Variants in ZMIZ1 observed in about 807,000 individuals in gnomAD.
The protein encoded by ZMIZ1 is zinc finger MIZ domain-containing protein 1.
Under a neutral mutation model 113.9 loss-of-function variants are expected in ZMIZ1, and 17 were observed. That is an observed-to-expected ratio of 0.15 (90% CI 0.10 to 0.22). The LOEUF (loss-of-function observed/expected upper bound fraction) is 0.22, where lower values mean the gene tolerates loss of function less well. ZMIZ1 is among the 10% of genes least tolerant of loss of function. The pLI is 1.00. For synonymous variants in ZMIZ1, 607 were observed against 603.1 expected (o/e 1.01, Z -0.09); for missense variants, 1,059 against 1,477.8 (o/e 0.72, Z 4.65).
At chr10:79,307,322 A>G in intron 22 of ZMIZ1, 83 bp from the exon 23 acceptor site, 2 of 1,414,924 alleles carry the variant, frequency 1.4e-6, no homozygotes, top group Non-Finnish European at 2.0e-6. Context: ...CTTGGCTTGT[A>G]TTTTTACACA....
rs1855511149 is a variant in ZMIZ1 at position 79,315,965 on chromosome 10, G to C, written c.*3216G>C. The C allele has an allele frequency of 6.6e-6, 1 of 152,662 alleles. No homozygotes were observed. Among genetic ancestry groups the C allele is most frequent in the Admixed American group, 6.5e-5 (1 of 15,278 alleles). The allele number at this position is 152,662 out of a possible 1,614,324, so 9.5% of individuals were successfully genotyped here. ...CTCTCTCGCTCATGTAATATACTCT[G>C]ACCCTGAGTGGAAAGGGGTTTTTGT... On this transcript the variant is annotated 3_prime_UTR_variant, in exon 25 of 25. Coordinates refer to ENST00000334512, the MANE Select transcript of ZMIZ1 (RefSeq NM_020338.4).
At chr10:79,145,943 A>G (rs1444192116) in intron 3 of ZMIZ1, among the ~76,000 whole-genome samples, 1 of 152,204 alleles carries the variant, frequency 6.6e-6, no homozygotes, top group Non-Finnish European at 1.5e-5. Context: ...CCTGGGCTCA[A>G]GCAGTCCTCC....
intron 1 of ZMIZ1, among the ~76,000 whole-genome samples, chr10:79,077,557 G>A (rs1194209015): frequency 6.6e-6 from 1 of 152,196 alleles, no homozygotes; most frequent in East Asian, 1.9e-4. Flanking sequence ...TGTTCCTGCT[G>A]TTGTTTACAT....
chr10:79,142,082 G>A (rs1186978919), intron 3 of ZMIZ1, among the ~76,000 whole-genome samples: 1 of 152,186 alleles, frequency 6.6e-6, no homozygotes, highest in Non-Finnish European at 1.5e-5. Flanking sequence ...AAGGCCCTTG[G>A]GTTTGGGACA....
chr10:79,192,485 G>A (rs1208758503), intron 4 of ZMIZ1, among the ~76,000 whole-genome samples: 1 of 152,198 alleles, frequency 6.6e-6, no homozygotes, highest in Non-Finnish European at 1.5e-5. Context: ...GAAGAGAAGT[G>A]GGTCCACCCT....
intron 2 of ZMIZ1, among the ~76,000 whole-genome samples, chr10:79,137,852 C>T (rs572281918): frequency 5.9e-5 from 9 of 151,682 alleles, no homozygotes; most frequent in African/African-American, 2.2e-4. Context: ...CTAGGGTGGG[C>T]GCTGTGGGCC....
intron 1 of ZMIZ1, among the ~76,000 whole-genome samples, chr10:79,116,851 T>C (rs1470518983): frequency 6.6e-6 from 1 of 152,222 alleles, no homozygotes; most frequent in Non-Finnish European, 1.5e-5. Flanking sequence ...GGATACCGAC[T>C]GTCCTGACTT....
At chr10:79,139,577 A>G (rs1262815931) in intron 2 of ZMIZ1, 105 bp from the exon 3 acceptor site, 3 of 397,324 alleles carry the variant, frequency 7.6e-6, no homozygotes, top group Non-Finnish European at 8.9e-6. Context: ...AAGTGACCCA[A>G]GAGGCCGCTG....
intron 7 of ZMIZ1, among the ~76,000 whole-genome samples, chr10:79,235,371 C>T (rs1849547789): frequency 6.6e-6 from 1 of 152,208 alleles, no homozygotes; most frequent in Non-Finnish European, 1.5e-5. Context: ...GTTCCTAAAA[C>T]CGCGCAATTG....
At position 79,300,175 on chromosome 10, in the gene ZMIZ1, C is replaced by T. The variant is rs992271778; in HGVS notation, c.1809-557C>T. On this transcript the variant is annotated intron_variant, in intron 16 of 24. Coordinates refer to ENST00000334512, the MANE Select transcript of ZMIZ1 (RefSeq NM_020338.4). ...GTGCTGCCTGCCTGCACCCTGCTCACCCACGCTCCTTAGCTGGGAGTGTCC... is the reference window on the plus strand; with the variant it reads ...GTGCTGCCTGCCTGCACCCTGCTCATCCACGCTCCTTAGCTGGGAGTGTCC... Among the ~76,000 whole-genome samples, 6 of 152,248 alleles carry T rather than the reference C, an allele frequency of 3.9e-5. No homozygotes were observed. The East Asian group carries it at 1.2e-3, about 29-fold the overall frequency.
chr10:79,143,142 G>A (rs967938228), intron 3 of ZMIZ1, among the ~76,000 whole-genome samples: 6 of 152,048 alleles, frequency 3.9e-5, no homozygotes, highest in Non-Finnish European at 7.4e-5. Flanking sequence ...GTAGGATCCC[G>A]AGGAACAAGT....
chr10:79,185,324 GC>G (rs1847308166), intron 4 of ZMIZ1, among the ~76,000 whole-genome samples: 1 of 152,158 alleles, frequency 6.6e-6, no homozygotes, highest in Non-Finnish European at 1.5e-5. Flanking sequence ...CCCTGAGCCT[GC>G]TGAAACGATA....
Position 79,118,995 on chromosome 10 carries a change from G to A in ZMIZ1, c.-256G>A, listed in dbSNP as rs1190768375. On this transcript the variant is annotated 5_prime_UTR_variant, in exon 2 of 25. Coordinates refer to ENST00000334512, the MANE Select transcript of ZMIZ1 (RefSeq NM_020338.4). This position sits in a 1 kb window ranked among gnomAD's most constrained non-coding sequence, Gnocchi z 4.1. ...CTCCAGACGCTCTCAGCAGACTTGA[G>A]TCCTGGTCCTTCTGCAGAGGCCTGA... 1 of 152,612 alleles carries A rather than the reference G, an allele frequency of 6.6e-6. No individual in the cohort carries two copies. The highest frequency in any genetic ancestry group is 1.5e-5 in the Non-Finnish European group (1 of 68,202). The allele number at this position is 152,612 out of a possible 1,614,324, so 9.5% of individuals were successfully genotyped here.
chr10:79,285,510 CCTT>C (rs912922653), intron 8 of ZMIZ1: 5 of 455,992 alleles, frequency 1.1e-5, no homozygotes, highest in African/African-American at 8.0e-5. Flanking sequence ...CCCTCTGTGT[CCTT>C]CTCTCACTTT....
In ZMIZ1 at chr10:79,293,538, C is replaced by T. The variant is rs200441362; in HGVS notation, c.1115C>T (p.Pro372Leu). ...GPPMGMNQPRPPGISPFGTHG... is the reference protein window; with the variant it reads ...GPPMGMNQPRLPGISPFGTHG... The stretch of plus-strand genomic sequence containing the variant: ...CCCATGGGCATGAACCAGCCCCGGC[C>T]GCCCGGCATCAGCCCCTTTGGCACA... The change falls in exon 12 of 25, where the codon CCG (proline) becomes CTG (leucine). Residue 372 changes from proline (P) to leucine (L), a missense_variant. Physicochemically the swap from Pro to Leu is moderately conservative, Grantham distance 98. This residue lies in a region of ZMIZ1 where 83 missense variants were observed against 103.7 expected (regional missense o/e 0.80). Transcript: ENST00000334512. 33 of 1,611,780 alleles carry T rather than the reference C, an allele frequency of 2.0e-5. No homozygotes were observed. Among genetic ancestry groups the T allele is most frequent in the Non-Finnish European group, 2.5e-5 (29 of 1,179,166 alleles).
intron 15 of ZMIZ1, 36 bp from the exon 16 acceptor site, chr10:79,299,014 G>A (rs1402274889): frequency 1.9e-6 from 3 of 1,581,336 alleles, no homozygotes; most frequent in Non-Finnish European, 1.7e-6. Context: ...TGGCAGCTGA[G>A]GCTTGTGGCT....
chr10:79,078,199 G>A (rs147422424), intron 1 of ZMIZ1, among the ~76,000 whole-genome samples: 1 of 152,174 alleles, frequency 6.6e-6, no homozygotes, highest in African/African-American at 2.4e-5. Flanking sequence ...TGTAAACTGA[G>A]GCTCATAATA....
chr10:79,080,059 G>A (rs1306876151), intron 1 of ZMIZ1, among the ~76,000 whole-genome samples: 3 of 152,192 alleles, frequency 2.0e-5, no homozygotes, highest in Non-Finnish European at 4.4e-5. Context: ...GCAGCCTGGG[G>A]CCTCCAGAGA....
At chr10:79,228,589 C>G (rs1470669120) in intron 7 of ZMIZ1, among the ~76,000 whole-genome samples, 1 of 152,262 alleles carries the variant, frequency 6.6e-6, no homozygotes, top group Non-Finnish European at 1.5e-5. Context: ...CCCCTGCCCT[C>G]TTGCCCCTGT....
Sources: allele counts gnomAD v4.1 joint callset (sites outside exome capture counted in the v4.1 genomes callset), GRCh38; gene constraint gnomAD v4.1.1; regional missense constraint gnomAD v4.1.1; non-coding constraint Gnocchi (gnomAD v3.1); transcripts MANE v1.5; gene names NCBI Gene and HGNC (gene_info 2026-07-23, HGNC 2026-07-21).